Variants in RALYL observed in about 807,000 individuals in gnomAD.
RALYL encodes the protein RALY RNA binding protein like.
RALYL carries 29 observed loss-of-function variants against 35.1 expected under a neutral mutation model. The observed-to-expected ratio is 0.83, with a 90% CI of 0.61 to 1.13. The LOEUF (loss-of-function observed/expected upper bound fraction) is 1.13. Ranked by LOEUF, RALYL falls within the 50% of genes most tolerant of loss-of-function variation. The pLI, the probability that RALYL is intolerant of heterozygous loss-of-function variation, is 0.00. For synonymous variants in RALYL, 120 were observed against 127.6 expected (o/e 0.94, Z 0.40); for missense variants, 359 against 360.4 (o/e 1.00, Z 0.03).
intron 2 of RALYL, among the ~76,000 whole-genome samples, chr8:84,569,379 AG>A (rs1263007280): frequency 6.6e-6 from 1 of 152,000 alleles, no homozygotes; most frequent in African/African-American, 2.4e-5. Context: ...ATTATTTCTG[AG>A]GACCCTGTTC....
At chr8:84,276,377 T>C (rs1441483013) in intron 1 of RALYL, among the ~76,000 whole-genome samples, 1 of 152,166 alleles carries the variant, frequency 6.6e-6, no homozygotes, top group Non-Finnish European at 1.5e-5. Context: ...GCAAATGGGA[T>C]TTCCCTCCCC....
chr8:84,870,319 T>C (rs1749969190), intron 6 of RALYL, among the ~76,000 whole-genome samples: 1 of 151,312 alleles, frequency 6.6e-6, no homozygotes, highest in Non-Finnish European at 1.5e-5. Flanking sequence ...TGTGCAGTGG[T>C]GCGATCTTGG....
chr8:84,736,268 C>T (rs559699014), intron 2 of RALYL, among the ~76,000 whole-genome samples: 1 of 151,998 alleles, frequency 6.6e-6, no homozygotes. Flanking sequence ...TGTAACCAGC[C>T]TTGGGCTAGG....
intron 2 of RALYL, among the ~76,000 whole-genome samples, chr8:84,657,804 G>A (rs888160733): frequency 1.1e-4 from 17 of 152,170 alleles, no homozygotes; most frequent in Admixed American, 1.1e-3. Context: ...TGTCAGTCCT[G>A]ATTGGAGTAG....
rs139224097 is a variant in RALYL at position 84,597,043 on chromosome 8, C to T, written c.256+67466C>T. Among the ~76,000 whole-genome samples, 337 of 152,104 alleles carry T rather than the reference C, an allele frequency of 2.2e-3. 1 individual carries two copies. Among genetic ancestry groups the T allele is most frequent in the South Asian group, 0.011 (55 of 4,822 alleles). ...CAGAATATATGCTTTAATAGGAAAA[C>T]GAACCTTTTAAAAGCTAGCTTTTCT... On this transcript the variant is annotated intron_variant, in intron 2 of 8. Transcript: ENST00000521268.
rs1233018176 is a variant in RALYL at position 84,570,508 on chromosome 8, C to A, written c.256+40931C>A. Among the ~76,000 whole-genome samples, 4 of 151,724 alleles carry A rather than the reference C, an allele frequency of 2.6e-5. No homozygotes were observed. The East Asian group carries it at 5.8e-4, about 22-fold the overall frequency. On this transcript the variant is annotated intron_variant, in intron 2 of 8. Transcript: ENST00000521268. ...GGAATCTTAGGGTTGTCTAGGTATA[C>A]AATGATGTCATCAGGACCAGAGATA...
chr8:84,874,298 T>C (rs763534343), intron 7 of RALYL, among the ~76,000 whole-genome samples: 2 of 152,102 alleles, frequency 1.3e-5, no homozygotes, highest in Non-Finnish European at 2.9e-5. Flanking sequence ...ATAAATAAAG[T>C]GTGAAAGCCC....
chr8:84,774,042 A>G lies in RALYL; in HGVS notation c.257-537A>G, dbSNP rs1229503004. 2.6e-5 allele frequency among the ~76,000 whole-genome samples: 4 copies of G among 152,082 alleles called. No homozygotes were observed. The South Asian group carries it at 8.3e-4, about 32-fold the overall frequency. ...GAGACAGCCTGGGCCTCCTAGCCAG[A>G]CCTCATTTCTACAGAAAATTTTAAA... is the stretch of plus-strand genomic sequence containing the variant. On this transcript the variant is annotated intron_variant, in intron 2 of 8. Transcript: ENST00000521268.
intron 4 of RALYL, among the ~76,000 whole-genome samples, chr8:84,814,801 G>C (rs1563665202): frequency 3.3e-5 from 5 of 152,156 alleles, no homozygotes. Flanking sequence ...TAATGTCATT[G>C]AGGGGGGAAA....
At chr8:84,689,147 A>G (rs1158123483) in intron 2 of RALYL, among the ~76,000 whole-genome samples, 10 of 151,942 alleles carry the variant, frequency 6.6e-5, no homozygotes, top group Non-Finnish European at 1.3e-4. Context: ...TTACATATGT[A>G]TACATGTGCC....
chr8:84,474,823 C>T (rs533565948), intron 1 of RALYL, among the ~76,000 whole-genome samples: 40 of 152,016 alleles, frequency 2.6e-4, no homozygotes, highest in African/African-American at 8.4e-4. Flanking sequence ...TCTATTTCTT[C>T]GAAAAAAGGA....
intron 4 of RALYL, among the ~76,000 whole-genome samples, chr8:84,816,887 T>C (rs545121436): frequency 2.0e-5 from 3 of 152,246 alleles, no homozygotes; most frequent in East Asian, 3.9e-4. Context: ...CACAAATATA[T>C]ATGCCTACTA....
chr8:84,201,381 A>G (rs1816802771), intron 1 of RALYL, among the ~76,000 whole-genome samples: 1 of 152,154 alleles, frequency 6.6e-6, no homozygotes, highest in South Asian at 2.1e-4. Flanking sequence ...AGCTAAGCAT[A>G]TGTCAGTATT....
chr8:84,918,615 A>G (rs7832097), intron 8 of RALYL, among the ~76,000 whole-genome samples: 45,409 of 152,048 alleles, frequency 0.3, 7,290 homozygotes, highest in East Asian at 0.61. Flanking sequence ...TATGTTTCTT[A>G]AGAAAAAAGC....
chr8:84,877,099 G>A (rs1395568390), intron 7 of RALYL, among the ~76,000 whole-genome samples: 1 of 152,130 alleles, frequency 6.6e-6, no homozygotes, highest in Non-Finnish European at 1.5e-5. Flanking sequence ...GAGCTAAAAT[G>A]TATTTTGCTT....
At chr8:84,392,804 G>A (rs1861001381) in intron 1 of RALYL, among the ~76,000 whole-genome samples, 1 of 151,994 alleles carries the variant, frequency 6.6e-6, no homozygotes, top group Admixed American at 6.6e-5. Context: ...AAATCTTATT[G>A]AATTTGGGCT....
At chr8:84,367,340 T>G (rs1197496703) in intron 1 of RALYL, among the ~76,000 whole-genome samples, 8 of 66,910 alleles carry the variant, frequency 1.2e-4, no homozygotes, top group African/African-American at 6.8e-4. Context: ...TTTTTTTTTT[T>G]TTTTTTTTTT....
intron 1 of RALYL, among the ~76,000 whole-genome samples, chr8:84,307,743 C>A (rs996913631): frequency 4.6e-5 from 7 of 152,104 alleles, no homozygotes; most frequent in Non-Finnish European, 1.0e-4. Context: ...GAAAACCAAT[C>A]CAGTTCACTT....
At chr8:84,189,138 A>T (rs1813246161) in intron 1 of RALYL, among the ~76,000 whole-genome samples, 1 of 152,188 alleles carries the variant, frequency 6.6e-6, no homozygotes, top group African/African-American at 2.4e-5. Context: ...ACCATGTAAA[A>T]ATCTAAATAG....
Sources: gnomAD v4.1 joint callset for allele counts (sites outside exome capture counted in the v4.1 genomes callset) on GRCh38, gnomAD v4.1.1 for gene constraint, MANE v1.5 for transcripts, NCBI Gene and HGNC (gene_info 2026-07-23, HGNC 2026-07-21) for gene names.